Variants in MDN1 observed in about 807,000 individuals in gnomAD.
MDN1 encodes the protein midasin.
MDN1 carries 266 observed loss-of-function variants against 669.2 expected under a neutral mutation model. That is an observed-to-expected ratio of 0.40 (90% CI 0.36 to 0.44). MDN1 has a LOEUF of 0.44. Ranked by LOEUF, MDN1 falls within the 20% of genes least tolerant of loss-of-function variation. MDN1 has a pLI of 1.00. For missense variants in MDN1, 5,940 were observed against 6,754.0 expected (o/e 0.88, Z 4.22); for synonymous variants, 2,385 against 2,457.1 (o/e 0.97, Z 0.87).
intron 80 of MDN1, 40 bp from the exon 81 acceptor site, chr6:89,672,742 A>G (rs746909570): frequency 6.3e-7 from 1 of 1,598,782 alleles, no homozygotes; most frequent in Non-Finnish European, 8.5e-7. Context: ...TACAAACAAA[A>G]GACACCAATC....
chr6:89,767,765 G>A (rs1314759040), intron 15 of MDN1, among the ~76,000 whole-genome samples: 1 of 151,738 alleles, frequency 6.6e-6, no homozygotes, highest in Admixed American at 6.6e-5. Context: ...AAAAACCTAG[G>A]CTGGGGATGG....
In MDN1 at chr6:89,712,777, C is replaced by T; in HGVS notation, c.7228G>A (p.Ala2410Thr). The change falls in exon 48 of 102, where the codon GCT becomes ACT. Residue 2410 changes from alanine (A) to threonine (T), a missense_variant. By Grantham distance (58) the Ala-to-Thr change is moderately conservative. Around this residue, in one of 5 missense-constraint regions of MDN1, gnomAD observed 2,292 missense variants for 2,638.3 expected, o/e 0.87. Coordinates refer to ENST00000369393, the MANE Select transcript of MDN1 (RefSeq NM_014611.3). ...HSPANRKLVQ[A>T]LLEKHVSSLR... Reference sequence around the variant, plus strand: ...GAAGAAACATGTTTCTCCAGTAAAGCCTGTACAAGCTGGTAGGAGACAAAA... The same window carrying T: ...GAAGAAACATGTTTCTCCAGTAAAGTCTGTACAAGCTGGTAGGAGACAAAA... The T allele has an allele frequency of 5.0e-6, 8 of 1,614,034 alleles. No individual in the cohort carries two copies. Among genetic ancestry groups the T allele is most frequent in the Non-Finnish European group, 6.8e-6 (8 of 1,179,958 alleles).
chr6:89,754,184 C>G lies in MDN1; in HGVS notation c.2863G>C (p.Gly955Arg). ...RKESGTKLVDGTGHRPHYSLR... is the reference protein window; with the variant it reads ...RKESGTKLVDRTGHRPHYSLR... ...CTGTAGTGAGGTCTATGGCCAGTGC[C>G]ATCCACCAGTTTGGTCCCAGACTCT... Residue 955 changes from glycine (G) to arginine (R), a missense_variant, in exon 21 of 102, where the codon GGC becomes CGC. By Grantham distance (125) the Gly-to-Arg change is moderately radical. This residue lies in a region of MDN1 where 1,203 missense variants were observed against 1,268.9 expected (regional missense o/e 0.95). Transcript: ENST00000369393. 6.2e-7 allele frequency: 1 copy of G among 1,614,106 alleles called. No homozygotes were observed. The highest frequency in any genetic ancestry group is 1.7e-5 in the Admixed American group (1 of 60,012).
chr6:89,659,054 C>A, intron 88 of MDN1, 137 bp from the exon 89 acceptor site: 1 of 787,324 alleles, frequency 1.3e-6, no homozygotes, highest in Non-Finnish European at 2.0e-6. Context: ...ACCCACAGGC[C>A]AAATCTGGCC....
intron 11 of MDN1, among the ~76,000 whole-genome samples, chr6:89,779,806 C>T (rs1177501983): frequency 1.3e-5 from 2 of 152,174 alleles, no homozygotes; most frequent in Non-Finnish European, 2.9e-5. Flanking sequence ...TGGCTCACGC[C>T]TGTAATCCCA....
chr6:89,678,563 G>T, intron 75 of MDN1, 36 bp downstream of exon 75: 1 of 1,603,678 alleles, frequency 6.2e-7, no homozygotes, highest in South Asian at 1.1e-5. Context: ...AAAAGTTGGT[G>T]ACTACATTTC....
rs1425483459 is a variant in MDN1, at chr6:89,692,511, G to C, written c.10519C>G (p.Arg3507Gly). 6.2e-7 allele frequency: 1 copy of C among 1,614,076 alleles called. No homozygotes were observed. The highest frequency in any genetic ancestry group is 1.3e-5 in the African/African-American group (1 of 74,936). ...QLLMNALLYL[R>G]SHVLCKGELD... Reference sequence around the variant, plus strand: ...TCTCCCTTGCATAACACGTGGGAGCGCAGGTAAAGGAGAGCATTCATCAGC... The same window carrying C: ...TCTCCCTTGCATAACACGTGGGAGCCCAGGTAAAGGAGAGCATTCATCAGC... The change falls in exon 63 of 102, where the codon CGC becomes GGC. Residue 3507 changes from arginine (R) to glycine (G), a missense_variant. Physicochemically the swap from Arg to Gly is moderately radical, Grantham distance 125. This residue lies in a region of MDN1 where 2,280 missense variants were observed against 2,576.3 expected (regional missense o/e 0.88). Coordinates refer to ENST00000369393, the MANE Select transcript of MDN1 (RefSeq NM_014611.3).
Position 89,708,357 on chromosome 6 carries a change from G to A in MDN1, c.7898+139C>T, listed in dbSNP as rs145824803. ...GAAAATATGATTATCGTATGATAAA[G>A]GCAATCATGTCCAACACCCCACAAC... On this transcript the variant is annotated intron_variant, in intron 51 of 101. Coordinates refer to ENST00000369393, the MANE Select transcript of MDN1 (RefSeq NM_014611.3). 2,550 of 1,036,836 alleles carry A rather than the reference G, an allele frequency of 2.5e-3. 90 individuals carry two copies. In the Admixed American group the frequency reaches 0.057, roughly 23 times the overall value. 64.2% of individuals were successfully genotyped at this position (1,036,836 alleles called of 1,614,324 possible). A position where few individuals can be genotyped will look rare whatever the true frequency, so the allele number is the denominator to read the frequency against.
chr6:89,802,917 T>C (rs995263645), intron 2 of MDN1, among the ~76,000 whole-genome samples: 3 of 152,162 alleles, frequency 2.0e-5, no homozygotes, highest in African/African-American at 7.2e-5. Context: ...ATTTATAGAA[T>C]TTGGAAGGGA....
intron 1 of MDN1, among the ~76,000 whole-genome samples, chr6:89,806,125 T>C (rs1767997238): frequency 6.6e-6 from 1 of 151,950 alleles, no homozygotes; most frequent in African/African-American, 2.4e-5. Flanking sequence ...TTTGTAGACA[T>C]GGGGGTCTCA....
At position 89,695,718 on chromosome 6, in the gene MDN1, G is replaced by T; in HGVS notation, c.9658C>A (p.Arg3220Ser). ...SKRSLPEPAQ[R>S]GSLWVSLGLL... ...CCGAGGCTCACCCAGAGGCTCCCAC[G>T]CTGGGCTGGCTCAGGCAGGCTCCTC... is the stretch of plus-strand genomic sequence containing the variant. The change falls in exon 61 of 102, where the codon CGT becomes AGT. Residue 3220 changes from arginine (R) to serine (S), a missense_variant. By Grantham distance (110) the Arg-to-Ser change is moderately radical (BLOSUM62 -1). Transcript: ENST00000369393. This position sits in a 1 kb window ranked among gnomAD's most constrained non-coding sequence, Gnocchi z 4.1. 2 of 1,613,704 alleles carry T rather than the reference G, an allele frequency of 1.2e-6. No homozygotes were observed. Among genetic ancestry groups the T allele is most frequent in the Non-Finnish European group, 1.7e-6 (2 of 1,180,014 alleles).
At chr6:89,808,087 C>T (rs1768131016) in intron 1 of MDN1, among the ~76,000 whole-genome samples, 1 of 151,234 alleles carries the variant, frequency 6.6e-6, no homozygotes, top group Admixed American at 6.6e-5. Flanking sequence ...CCTATAATCA[C>T]TTTTTTCTTT....
rs1269483617 is a variant in MDN1, at chr6:89,695,644, C to T, written c.9732G>A (p.Ala3244=). Residue 3244 remains alanine (A), a synonymous_variant, in exon 61 of 102, where the codon GCG becomes GCA. Coordinates refer to ENST00000369393, the MANE Select transcript of MDN1 (RefSeq NM_014611.3). This position sits in a 1 kb window ranked among gnomAD's most constrained non-coding sequence, Gnocchi z 4.1. The part of the protein sequence containing the change: ...TWLPQARFDP[A]VKREYKLNYV... ...AATTGAGCTTGTACTCCCTCTTCACCGCAGGGTCAAAGCGTGCCTGGGGAA... is the reference window on the plus strand; with the variant it reads ...AATTGAGCTTGTACTCCCTCTTCACTGCAGGGTCAAAGCGTGCCTGGGGAA... 5.6e-6 allele frequency: 9 copies of T among 1,609,450 alleles called. No homozygotes were observed. Among genetic ancestry groups the T allele is most frequent in the Admixed American group, 1.7e-5 (1 of 59,860 alleles).
At chr6:89,714,964 C>T (rs1352222509) in intron 45 of MDN1, among the ~76,000 whole-genome samples, 2 of 152,126 alleles carry the variant, frequency 1.3e-5, no homozygotes, top group African/African-American at 2.4e-5. Context: ...ATCCAGTGTA[C>T]CTTTAGTGCT....
chr6:89,769,407 A>T (rs1021252194), intron 15 of MDN1, among the ~76,000 whole-genome samples: 1 of 152,238 alleles, frequency 6.6e-6, no homozygotes, highest in Non-Finnish European at 1.5e-5. Context: ...ACAAAAACTG[A>T]GAAAAGGCTC....
intron 69 of MDN1, among the ~76,000 whole-genome samples, chr6:89,686,195 C>T (rs1478141746): frequency 3.9e-5 from 6 of 152,104 alleles, no homozygotes; most frequent in Non-Finnish European, 5.9e-5. Flanking sequence ...GAGGCCAAGG[C>T]GGGCAGATCA....
Position 89,662,806 on chromosome 6 carries a change from G to T in MDN1, c.14398C>A (p.Pro4800Thr). 5 of 1,613,924 alleles carry T rather than the reference G, an allele frequency of 3.1e-6. No individual in the cohort carries two copies. Among genetic ancestry groups the T allele is most frequent in the Non-Finnish European group, 4.2e-6 (5 of 1,179,978 alleles). ...CTTTGAATTACCTCATCCATTCCTGGTCCTGTTTCTTCAGTTTTATTGTCT... is the reference window on the plus strand; with the variant it reads ...CTTTGAATTACCTCATCCATTCCTGTTCCTGTTTCTTCAGTTTTATTGTCT... ...EEDNKTEETG[P>T]GMDEEDSELV... The change falls in exon 86 of 102, where the codon CCA becomes ACA. Residue 4800 changes from proline (P) to threonine (T), a missense_variant. By Grantham distance (38) the Pro-to-Thr change is conservative. Coordinates refer to ENST00000369393, the MANE Select transcript of MDN1 (RefSeq NM_014611.3).
At position 89,758,845 on chromosome 6, in the gene MDN1, G is replaced by A. The variant is rs1817391255; in HGVS notation, c.2576C>T (p.Ser859Phe). 6.2e-7 allele frequency: 1 copy of A among 1,614,122 alleles called. No individual in the cohort carries two copies. Among genetic ancestry groups the A allele is most frequent in the Non-Finnish European group, 8.5e-7 (1 of 1,180,038 alleles). ...GTCTCCTCGATCCAGCAACACCAGG[G>A]ATCCAGAAGATCCTTCAAGCAAACC... Reference protein sequence around the residue: ...LSGLLEGSSGSLVLLDRGDTE... With the variant: ...LSGLLEGSSGFLVLLDRGDTE... Residue 859 changes from serine (S) to phenylalanine (F), a missense_variant, in exon 18 of 102, where the codon TCC becomes TTC. Transcript: ENST00000369393.
At chr6:89,748,284 C>G (rs1584311636) in intron 26 of MDN1, among the ~76,000 whole-genome samples, 1 of 152,274 alleles carries the variant, frequency 6.6e-6, no homozygotes, top group East Asian at 1.9e-4. Context: ...TGAGATAGCG[C>G]CACTGCACTC....
Sources: gnomAD v4.1 joint callset for allele counts (sites outside exome capture counted in the v4.1 genomes callset) on GRCh38, gnomAD v4.1.1 for gene constraint, gnomAD v4.1.1 regional missense constraint, Gnocchi (gnomAD v3.1) non-coding constraint, MANE v1.5 for transcripts, NCBI Gene and HGNC (gene_info 2026-07-23, HGNC 2026-07-21) for gene names.